Variants in RBM33 observed in about 807,000 individuals in gnomAD.
RBM33 encodes RNA binding motif protein 33.
In RBM33, 28 loss-of-function variants were observed where a neutral mutation model predicts 132.6. The ratio of observed to expected loss-of-function variants is 0.21; its 90% CI spans 0.16 to 0.29. RBM33 has a LOEUF of 0.29. RBM33 is among the 10% of genes least tolerant of loss of function. The pLI, the probability that RBM33 is intolerant of heterozygous loss-of-function variation, is 1.00. For synonymous variants in RBM33, 634 were observed against 593.0 expected (o/e 1.07, Z -1.01); for missense variants, 1,291 against 1,518.5 (o/e 0.85, Z 2.49).
In RBM33 at chr7:155,706,930, C is replaced by T. The variant is rs747019632; in HGVS notation, c.810C>T (p.Arg270=). 6.2e-7 allele frequency: 1 copy of T among 1,606,860 alleles called. No homozygotes were observed. The highest frequency in any genetic ancestry group is 8.5e-7 in the Non-Finnish European group (1 of 1,176,880). The change falls in exon 7 of 18, where the codon CGC becomes CGT. Residue 270 remains arginine, a synonymous_variant. Transcript: ENST00000401878. ...GGGAGCGACAGCATAAACAAGGACG[C>T]TACAGCTCCAGGCGGGGAGGACGGC... ...EERERQHKQG[R]YSSRRGGRRG... is the part of the protein sequence containing the mutation.
chr7:155,711,037 GT>G, intron 7 of RBM33, 165 bp from the exon 8 acceptor site: 1 of 986,152 alleles, frequency 1.0e-6, no homozygotes, highest in Non-Finnish European at 1.4e-6. Context: ...TTATCCTGCT[GT>G]TTTGATACAA....
chr7:155,753,802 A>G (rs1441556632), intron 14 of RBM33, among the ~76,000 whole-genome samples: 3 of 152,244 alleles, frequency 2.0e-5, no homozygotes, highest in Non-Finnish European at 4.4e-5. Context: ...ATGCCTGCCA[A>G]GTTGGCTGGG....
rs1799095028 is a variant in RBM33 at position 155,673,946 on chromosome 7, T to TG, written c.171+1031_171+1032insG. 1.7e-3 allele frequency among the ~76,000 whole-genome samples: 43 copies of TG among 25,790 alleles called. 2 individuals are homozygous for TG. The highest frequency in any genetic ancestry group is 6.6e-3 in the African/African-American group (42 of 6,360). 16.9% of individuals were successfully genotyped at this position (25,790 alleles called of 152,430 possible). A position where few individuals can be genotyped will look rare whatever the true frequency, so the allele number is the denominator to read the frequency against. On this transcript the variant is annotated intron_variant, in intron 3 of 17. Coordinates refer to ENST00000401878, the MANE Select transcript of RBM33 (RefSeq NM_053043.3). The stretch of plus-strand genomic sequence containing the variant: ...TCAAGATAGTTTAGGCTTAGTTTTT[T>TG]TTTTTTTTTTTTTTTTTTTTTTTTT...
chr7:155,711,695 A>C (rs544230722), intron 8 of RBM33, among the ~76,000 whole-genome samples: 1 of 152,154 alleles, frequency 6.6e-6, no homozygotes, highest in African/African-American at 2.4e-5. Context: ...GATTTTGCCA[A>C]CTGTGCAATG....
intron 3 of RBM33, among the ~76,000 whole-genome samples, chr7:155,673,762 A>ACGCG (rs1563137987): frequency 2.2e-4 from 5 of 23,132 alleles, no homozygotes; most frequent in African/African-American, 7.1e-4. Flanking sequence ...ATACGCGCGC[A>ACGCG]TGCGCGCACA....
intron 14 of RBM33, among the ~76,000 whole-genome samples, chr7:155,753,769 T>C (rs1214867130): frequency 6.6e-6 from 1 of 152,154 alleles, no homozygotes; most frequent in African/African-American, 2.4e-5. Context: ...GGGAGGAGCG[T>C]GGAGGCGCGG....
At chr7:155,736,889 A>G (rs1352996867) in intron 9 of RBM33, among the ~76,000 whole-genome samples, 2 of 152,222 alleles carry the variant, frequency 1.3e-5, no homozygotes, top group African/African-American at 4.8e-5. Flanking sequence ...TTATAATGAC[A>G]TTAAAACATT....
intron 1 of RBM33, among the ~76,000 whole-genome samples, chr7:155,663,855 T>A (rs146641418): frequency 6.6e-6 from 1 of 152,290 alleles, no homozygotes; most frequent in African/African-American, 2.4e-5. Context: ...TGCTTGTATG[T>A]ATGTCTGAGA....
chr7:155,683,084 A>C (rs915780901), intron 5 of RBM33, among the ~76,000 whole-genome samples: 4 of 151,682 alleles, frequency 2.6e-5, no homozygotes, highest in African/African-American at 9.7e-5. Context: ...GTTGAGCAGT[A>C]GTAGTTCAAT....
intron 3 of RBM33, among the ~76,000 whole-genome samples, chr7:155,673,655 T>C (rs1244721323): frequency 9.5e-6 from 1 of 105,778 alleles, no homozygotes; most frequent in Non-Finnish European, 1.9e-5. Flanking sequence ...CGTGTATATA[T>C]ACACACATAT....
chr7:155,776,995 C>T lies in RBM33; in HGVS notation c.*1954C>T, dbSNP rs1253706773. 6.6e-6 allele frequency: 1 copy of T among 152,164 alleles called. No homozygotes were observed. The highest frequency in any genetic ancestry group is 1.5e-5 in the Non-Finnish European group (1 of 68,040). The allele number at this position is 152,164 out of a possible 1,614,324, so 9.4% of individuals were successfully genotyped here. On this transcript the variant is annotated 3_prime_UTR_variant, in exon 18 of 18. Coordinates refer to ENST00000401878, the MANE Select transcript of RBM33 (RefSeq NM_053043.3). This position sits in a 1 kb window ranked among gnomAD's most constrained non-coding sequence, Gnocchi z 4.0. Reference sequence around the variant, plus strand: ...ACCCACTGGGCAGTGGGAAGGCCTACCGACTTACTTTATCATTGAGGGCTT... The same window carrying T: ...ACCCACTGGGCAGTGGGAAGGCCTATCGACTTACTTTATCATTGAGGGCTT...
intron 2 of RBM33, among the ~76,000 whole-genome samples, chr7:155,668,286 A>G (rs567481725): frequency 2.0e-5 from 3 of 152,224 alleles, no homozygotes; most frequent in African/African-American, 7.2e-5. Context: ...ATTGATGGGT[A>G]TGTCTTTCAA....
chr7:155,753,521 TGGC>T (rs1271286029), intron 14 of RBM33, among the ~76,000 whole-genome samples: 1 of 152,070 alleles, frequency 6.6e-6, no homozygotes, highest in Non-Finnish European at 1.5e-5. Context: ...GGATGATCTC[TGGC>T]AGCGCCTGGG....
At chr7:155,765,089 G>T (rs1345560100) in intron 15 of RBM33, among the ~76,000 whole-genome samples, 1 of 152,084 alleles carries the variant, frequency 6.6e-6, no homozygotes, top group Non-Finnish European at 1.5e-5. Context: ...TCCATAACGC[G>T]CACACGCACA....
At chr7:155,672,579 A>C (rs1798971722) in intron 2 of RBM33, among the ~76,000 whole-genome samples, 1 of 152,102 alleles carries the variant, frequency 6.6e-6, no homozygotes, top group African/African-American at 2.4e-5. Flanking sequence ...ACATGGTGAA[A>C]TCCCGTCTCT....
chr7:155,759,480 C>T (rs943617617), intron 14 of RBM33, among the ~76,000 whole-genome samples: 2 of 139,394 alleles, frequency 1.4e-5, no homozygotes, highest in Non-Finnish European at 3.0e-5. Flanking sequence ...TGCAGTGGTG[C>T]GATCTCGGCT....
At chr7:155,733,742 CT>C (rs1801026446) in intron 9 of RBM33, among the ~76,000 whole-genome samples, 1 of 152,220 alleles carries the variant, frequency 6.6e-6, no homozygotes, top group South Asian at 2.1e-4. Context: ...CTATAAAAGT[CT>C]GTGAGTCCTG....
chr7:155,778,465 G>C lies in RBM33; in HGVS notation c.*3424G>C, dbSNP rs1802695910. On this transcript the variant is annotated 3_prime_UTR_variant, in exon 18 of 18. Transcript: ENST00000401878. The surrounding 1 kb of genome is among the most constrained non-coding windows in gnomAD (Gnocchi z 4.0). ...GAGAGGCCTGGGGATTGGGGAAGCT[G>C]TCATCTCAGTGTTAATAATCAACTT... 1 of 152,310 alleles carries C rather than the reference G, an allele frequency of 6.6e-6. No homozygotes were observed. The highest frequency in any genetic ancestry group is 6.5e-5 in the Admixed American group (1 of 15,278). 9.4% of individuals were successfully genotyped at this position (152,310 alleles called of 1,614,324 possible).
intron 1 of RBM33, among the ~76,000 whole-genome samples, chr7:155,648,075 A>AT (rs1798251416): frequency 6.6e-6 from 1 of 152,184 alleles, no homozygotes; most frequent in South Asian, 2.1e-4. Flanking sequence ...GTGCTTGTAA[A>AT]TTTTTTGTTT....
Sources: allele counts gnomAD v4.1 joint callset (sites outside exome capture counted in the v4.1 genomes callset), GRCh38; gene constraint gnomAD v4.1.1; non-coding constraint Gnocchi (gnomAD v3.1); transcripts MANE v1.5; gene names NCBI Gene and HGNC (gene_info 2026-07-23, HGNC 2026-07-21).